The following CIITA variants were observed in gnomAD, a reference collection of about 807,000 sequenced individuals.
CIITA encodes class II major histocompatibility complex transactivator, also known as MHC class II transactivator.
A neutral mutation model predicts 115.1 loss-of-function variants in CIITA; 72 were observed. The observed-to-expected ratio is 0.63, with a 90% CI of 0.52 to 0.76. The LOEUF (loss-of-function observed/expected upper bound fraction) is 0.76, where lower values mean the gene tolerates loss of function less well. CIITA is among the 30% of genes least tolerant of loss of function. The pLI is 0.00. For missense variants in CIITA, 1,617 were observed against 1,463.8 expected, an observed-to-expected ratio of 1.10 and a Z score of -1.71; for synonymous variants, 763 against 635.6, an observed-to-expected ratio of 1.20 and a Z score of -3.02.
chr16:10,881,082 T>G (rs974573672), intron 1 of CIITA, among the ~76,000 whole-genome samples: 8 of 152,170 alleles, frequency 5.3e-5, no homozygotes, highest in African/African-American at 1.9e-4. Flanking sequence ...AAGACCAGCC[T>G]GGGCAACCTG....
intron 1 of CIITA, among the ~76,000 whole-genome samples, chr16:10,881,415 G>A (rs563472342): frequency 9.8e-5 from 15 of 152,328 alleles, no homozygotes; most frequent in Non-Finnish European, 1.5e-4. Context: ...AGTTACCACC[G>A]ATTCTCATAG....
chr16:10,903,563 C>T (rs1039982240), intron 8 of CIITA, among the ~76,000 whole-genome samples, 168 bp from the exon 9 acceptor site: 4 of 152,186 alleles, frequency 2.6e-5, no homozygotes, highest in African/African-American at 9.7e-5. Context: ...GATGTAACTC[C>T]AGAGCTCTTT....
Position 10,918,528 on chromosome 16 carries a change from T to A in CIITA, c.3149+2T>A. 1 of 1,613,900 alleles carries A rather than the reference T, an allele frequency of 6.2e-7. No individual in the cohort carries two copies. Among genetic ancestry groups the A allele is most frequent in the Non-Finnish European group, 8.5e-7 (1 of 1,179,972 alleles). ...CGCTGCATCCCTGCTCAGGCTAAGG[T>A]GAGTGGGGCCCCGGATACCGGTCAG... On this transcript the variant is annotated splice_donor_variant, in intron 16 of 19. Coordinates refer to ENST00000324288, the MANE Select transcript of CIITA (RefSeq NM_000246.4). LOFTEE classifies it high-confidence loss of function.
chr16:10,883,122 G>T (rs536659514), intron 1 of CIITA, among the ~76,000 whole-genome samples: 1 of 152,140 alleles, frequency 6.6e-6, no homozygotes, highest in Admixed American at 6.5e-5. Flanking sequence ...TGCTGGCGGG[G>T]GGACTGTGTT....
rs1048069996 is a variant in CIITA, at chr16:10,877,259, T to C, written c.-72T>C. On this transcript the variant is annotated 5_prime_UTR_variant, in exon 1 of 20. Transcript: ENST00000324288. ...CTGAGCTGGGCATCCGAAGGCATCC[T>C]TGGGGAAGCTGAGGGCACGAGGAGG... 1.4e-6 allele frequency: 2 copies of C among 1,450,164 alleles called. No homozygotes were observed. Among genetic ancestry groups the C allele is most frequent in the African/African-American group, 2.8e-5 (2 of 71,506 alleles). 89.8% of individuals were successfully genotyped at this position (1,450,164 alleles called of 1,614,324 possible). A position where few individuals can be genotyped will look rare whatever the true frequency, so the allele number is the denominator to read the frequency against.
chr16:10,904,556 A>G (rs1488717411), intron 9 of CIITA, among the ~76,000 whole-genome samples, 188 bp from the exon 10 acceptor site: 5 of 152,176 alleles, frequency 3.3e-5, no homozygotes, highest in Non-Finnish European at 5.9e-5. Flanking sequence ...CATGAGTGAA[A>G]TTTTTAAAAG....
At chr16:10,896,690 CTTG>C (rs2038162741) in intron 3 of CIITA, among the ~76,000 whole-genome samples, 1 of 152,212 alleles carries the variant, frequency 6.6e-6, no homozygotes. Flanking sequence ...CCCCATTTTC[CTTG>C]TTGGCTTGGG....
downstream of CIITA, chr16:10,937,513 T>C (rs1000961696): frequency 3.3e-5 from 5 of 152,232 alleles, no homozygotes; most frequent in African/African-American, 9.7e-5. The surrounding 1 kb of genome is among the most constrained non-coding windows in gnomAD (Gnocchi z 4.2). Flanking sequence ...TGGAATAAGA[T>C]AGACCAATGC....
At chr16:10,880,815 C>G (rs886332749) in intron 1 of CIITA, among the ~76,000 whole-genome samples, 4 of 152,220 alleles carry the variant, frequency 2.6e-5, no homozygotes, top group African/African-American at 9.6e-5. Flanking sequence ...TTGAGTCACA[C>G]TGACAAGTGA....
At position 10,901,672 on chromosome 16, in the gene CIITA, C is replaced by A; in HGVS notation, c.481+114C>A. 2.5e-6 allele frequency: 3 copies of A among 1,182,084 alleles called. No homozygotes were observed. Among genetic ancestry groups the A allele is most frequent in the Admixed American group, 2.0e-5 (1 of 50,674 alleles). The allele number at this position is 1,182,084 out of a possible 1,614,324, so 73.2% of individuals were successfully genotyped here. A position where few individuals can be genotyped will look rare whatever the true frequency, so the allele number is the denominator to read the frequency against. ...GGGATGGTGCATGGTGCAGCCCCTG[C>A]CCTTCTTTGGGTAGAGGCTGAGAGC... On this transcript the variant is annotated intron_variant, in intron 6 of 19. Transcript: ENST00000324288. The surrounding 1 kb of genome is among the most constrained non-coding windows in gnomAD (Gnocchi z 6.8).
upstream of CIITA, among the ~76,000 whole-genome samples, chr16:10,876,644 C>G (rs941754389): frequency 3.3e-5 from 5 of 152,210 alleles, no homozygotes; most frequent in African/African-American, 7.2e-5. Context: ...CCCAAACCAT[C>G]TGACTACAAG....
In CIITA at chr16:10,923,816, G is replaced by A. The variant is rs559914194; in HGVS notation, c.*23-62G>A. ...CATCTTGATAGCACCCTTCCCAGGTGTCAAGCTGCCCCTCCTAGAGTGTCC... is the reference window on the plus strand; with the variant it reads ...CATCTTGATAGCACCCTTCCCAGGTATCAAGCTGCCCCTCCTAGAGTGTCC... On this transcript the variant is annotated intron_variant, in intron 19 of 19. Transcript: ENST00000324288. The surrounding 1 kb of genome is among the most constrained non-coding windows in gnomAD (Gnocchi z 5.2). 17 of 181,270 alleles carry A rather than the reference G, an allele frequency of 9.4e-5. No individual in the cohort carries two copies. In the South Asian group the frequency reaches 2.0e-3, roughly 21 times the overall value. 11.2% of individuals were successfully genotyped at this position (181,270 alleles called of 1,614,324 possible). A position where few individuals can be genotyped will look rare whatever the true frequency, so the allele number is the denominator to read the frequency against.
chr16:10,916,769 T>C (rs6498131), intron 15 of CIITA: 275,372 of 456,362 alleles, frequency 0.6, 84,685 homozygotes, highest in East Asian at 0.8. Context: ...TCCATTCACT[T>C]ATGCAGTCAT....
At chr16:10,880,013 A>G (rs918964585) in intron 1 of CIITA, among the ~76,000 whole-genome samples, 1 of 152,194 alleles carries the variant, frequency 6.6e-6, no homozygotes, top group Non-Finnish European at 1.5e-5. Flanking sequence ...CACTCCAGAG[A>G]AAAAATAAAT....
At chr16:10,893,887 C>T (rs1041212506) in intron 1 of CIITA, among the ~76,000 whole-genome samples, 3 of 150,670 alleles carry the variant, frequency 2.0e-5, no homozygotes, top group Non-Finnish European at 4.4e-5. Flanking sequence ...GACCATCTCC[C>T]ATCCCCACAG....
rs374056581 is a variant in CIITA, at chr16:10,908,052, G to A, written c.2560G>A (p.Ala854Thr). Residue 854 changes from alanine (A) to threonine (T), a missense_variant, in exon 11 of 20, where the codon GCG (alanine) becomes ACG (threonine). Coordinates refer to ENST00000324288, the MANE Select transcript of CIITA (RefSeq NM_000246.4). ...DAHVLGKALE[A>T]AGQDFSLDLR... ...ACATGTACTGGGCAAGGCCTTGGAG[G>A]CGGCGGGCCAAGACTTCTCCCTGGA... The A allele has an allele frequency of 8.1e-6, 13 of 1,613,348 alleles. No individual in the cohort carries two copies. The South Asian group carries it at 9.9e-5, about 12-fold the overall frequency.
chr16:10,895,542 TC>T, intron 2 of CIITA, 114 bp downstream of exon 2: 1 of 1,562,462 alleles, frequency 6.4e-7, no homozygotes. Context: ...CACGGACAGC[TC>T]CCACGTCTGT....
At chr16:10,921,345 T>C (rs901676185) in intron 16 of CIITA, among the ~76,000 whole-genome samples, 1 of 152,232 alleles carries the variant, frequency 6.6e-6, no homozygotes, top group Non-Finnish European at 1.5e-5. Context: ...ATGCTGGTTG[T>C]GAATATGCTG....
chr16:10,891,546 G>A (rs1307918857), intron 1 of CIITA, among the ~76,000 whole-genome samples: 2 of 152,122 alleles, frequency 1.3e-5, no homozygotes, highest in Admixed American at 6.5e-5. Context: ...ACTCATTCAC[G>A]GAGTTGCTAG....
Sources: gnomAD v4.1 joint callset for allele counts (sites outside exome capture counted in the v4.1 genomes callset) on GRCh38, gnomAD v4.1.1 for gene constraint, Gnocchi (gnomAD v3.1) non-coding constraint, MANE v1.5 for transcripts, NCBI Gene and HGNC (gene_info 2026-07-23, HGNC 2026-07-21) for gene names.